Variants in SLC6A18 observed in about 807,000 individuals in gnomAD.
The protein encoded by SLC6A18 is inactive sodium-dependent neutral amino acid transporter B(0)AT3.
SLC6A18 carries 58 observed loss-of-function variants against 62.9 expected under a neutral mutation model. That is an observed-to-expected ratio of 0.92 (90% CI 0.75 to 1.15). The LOEUF (loss-of-function observed/expected upper bound fraction) is 1.15. Ranked by LOEUF, SLC6A18 falls within the 50% of genes most tolerant of loss-of-function variation. The pLI, the probability that SLC6A18 is intolerant of heterozygous loss-of-function variation, is 0.00. For synonymous variants in SLC6A18, 382 were observed against 365.8 expected, an observed-to-expected ratio of 1.04 and a Z score of -0.51; for missense variants, 793 against 836.6, an observed-to-expected ratio of 0.95 and a Z score of 0.64.
intron 8 of SLC6A18, 104 bp downstream of exon 8, chr5:1,242,967 AC>A: frequency 7.6e-7 from 1 of 1,324,006 alleles, no homozygotes; most frequent in Non-Finnish European, 1.0e-6. Flanking sequence ...ATTCCCACAG[AC>A]CCAGGGCCAG....
At chr5:1,240,752 G>A (rs1468793806) in intron 7 of SLC6A18, 93 bp downstream of exon 7, 18 of 1,547,450 alleles carry the variant, frequency 1.2e-5, no homozygotes, top group South Asian at 4.6e-5. Flanking sequence ...GAAGGGTGGC[G>A]TGGGCACATT....
At position 1,241,801 on chromosome 5, in the gene SLC6A18, C is replaced by T. The variant is rs1228234791; in HGVS notation, c.975-906C>T. Among the ~76,000 whole-genome samples the T allele has an allele frequency of 1.3e-5, 2 of 152,178 alleles. No individual in the cohort carries two copies. Among genetic ancestry groups the T allele is most frequent in the East Asian group, 3.9e-4 (2 of 5,194 alleles). On this transcript the variant is annotated intron_variant, in intron 7 of 11. Coordinates refer to ENST00000324642, the MANE Select transcript of SLC6A18 (RefSeq NM_182632.3). The surrounding 1 kb of genome is among the most constrained non-coding windows in gnomAD (Gnocchi z 7.8). ...AATGTCGCAAGTAACTGTAAAAGTGCGCAAATATTGACGGGGTTACAAGCA... is the reference window on the plus strand; with the variant it reads ...AATGTCGCAAGTAACTGTAAAAGTGTGCAAATATTGACGGGGTTACAAGCA...
At chr5:1,233,145 T>C (rs1746779971) in intron 3 of SLC6A18, among the ~76,000 whole-genome samples, 1 of 152,226 alleles carries the variant, frequency 6.6e-6, no homozygotes, top group African/African-American at 2.4e-5. Context: ...TGCAGCCATG[T>C]GCATGGCGTG....
chr5:1,230,939 G>A (rs140729423), intron 1 of SLC6A18, among the ~76,000 whole-genome samples: 1 of 152,286 alleles, frequency 6.6e-6, no homozygotes, highest in Non-Finnish European at 1.5e-5. Flanking sequence ...CAGTGCAGCT[G>A]CCAACTCTGT....
intron 4 of SLC6A18, 127 bp downstream of exon 4, chr5:1,235,789 G>C (rs374542488): frequency 4.5e-6 from 4 of 894,380 alleles, no homozygotes; most frequent in Non-Finnish European, 7.0e-6. Context: ...GGATTGCAAC[G>C]TCTTCTTAGG....
chr5:1,235,373 G>A (rs1255757286), intron 3 of SLC6A18, 108 bp from the exon 4 acceptor site: 1 of 1,113,840 alleles, frequency 9.0e-7, no homozygotes, highest in Non-Finnish European at 1.3e-6. Flanking sequence ...GGGCACCTCA[G>A]CCCAAAAGGG....
chr5:1,245,482 C>T (rs1469072097), intron 11 of SLC6A18, among the ~76,000 whole-genome samples: 1 of 152,188 alleles, frequency 6.6e-6, no homozygotes, highest in East Asian at 1.9e-4. Flanking sequence ...TGAAGAATTT[C>T]CACGGTACCT....
At chr5:1,232,637 G>A (rs1408271414) in intron 2 of SLC6A18, 114 bp from the exon 3 acceptor site, 7 of 1,439,392 alleles carry the variant, frequency 4.9e-6, no homozygotes, top group Non-Finnish European at 6.5e-6. Context: ...GCTTTCAGCT[G>A]CGCCCTTCAG....
At chr5:1,240,789 T>C in intron 7 of SLC6A18, 130 bp downstream of exon 7, 2 of 1,306,342 alleles carry the variant, frequency 1.5e-6, no homozygotes, top group South Asian at 1.4e-5. Flanking sequence ...GTGGAGTGAA[T>C]GGTGTCCCCA....
At chr5:1,239,816 G>C (rs957126499) in intron 6 of SLC6A18, among the ~76,000 whole-genome samples, 4 of 152,242 alleles carry the variant, frequency 2.6e-5, no homozygotes, top group Non-Finnish European at 4.4e-5. Context: ...CACATGACAC[G>C]TGGGGCCATA....
chr5:1,239,130 G>A (rs775758767), intron 5 of SLC6A18, among the ~76,000 whole-genome samples: 4 of 152,234 alleles, frequency 2.6e-5, no homozygotes, highest in Non-Finnish European at 5.9e-5. Context: ...GTTAGAGAGG[G>A]CACAGTAAAC....
At chr5:1,242,945 A>G (rs1195102580) in intron 8 of SLC6A18, 82 bp downstream of exon 8, 3 of 1,446,840 alleles carry the variant, frequency 2.1e-6, no homozygotes, top group Non-Finnish European at 1.9e-6. Context: ...CCACTGCCAA[A>G]GGCTGCAAAC....
intron 4 of SLC6A18, among the ~76,000 whole-genome samples, chr5:1,236,916 T>C (rs1746897772): frequency 6.6e-6 from 1 of 151,970 alleles, no homozygotes; most frequent in Non-Finnish European, 1.5e-5. Context: ...AAATTCCAAA[T>C]AATCCTATTA....
At chr5:1,232,028 AC>A (rs1254663520) in intron 1 of SLC6A18, among the ~76,000 whole-genome samples, 190 bp from the exon 2 acceptor site, 3 of 152,122 alleles carry the variant, frequency 2.0e-5, no homozygotes, top group African/African-American at 7.2e-5. Context: ...GGTCTCAGCA[AC>A]CGAGCCAAAA....
intron 11 of SLC6A18, among the ~76,000 whole-genome samples, 197 bp from the exon 12 acceptor site, chr5:1,245,651 C>G (rs1043083698): frequency 6.6e-6 from 1 of 152,226 alleles, no homozygotes; most frequent in Non-Finnish European, 1.5e-5. Flanking sequence ...GAAGCTCAGC[C>G]CAGGTCCCCA....
Position 1,226,998 on chromosome 5 carries a change from A to ACCGATGCCTTGCCCG in SLC6A18, c.160+1366_160+1380dup, listed in dbSNP as rs1746593618. Reference sequence around the variant, plus strand: ...CGCCTTGCCCACCGATGCCTTGCCCACCGATGCCTTGCCCGCCGACGCGCC... The same window carrying ACCGATGCCTTGCCCG: ...CGCCTTGCCCACCGATGCCTTGCCCACCGATGCCTTGCCCGCCGATGCCTTGCCCGCCGACGCGCC... On this transcript the variant is annotated intron_variant, in intron 1 of 11. Transcript: ENST00000324642. Among the ~76,000 whole-genome samples the ACCGATGCCTTGCCCG allele has an allele frequency of 6.4e-5, 6 of 93,196 alleles. No individual in the cohort carries two copies. The South Asian group carries it at 1.8e-3, about 28-fold the overall frequency. 61.1% of individuals were successfully genotyped at this position (93,196 alleles called of 152,430 possible).
Position 1,241,749 on chromosome 5 carries a change from G to A in SLC6A18, c.975-958G>A, listed in dbSNP as rs901291202. 1.2e-4 allele frequency among the ~76,000 whole-genome samples: 19 copies of A among 152,304 alleles called. No homozygotes were observed. The highest frequency in any genetic ancestry group is 4.6e-4 in the Admixed American group (7 of 15,304). On this transcript the variant is annotated intron_variant, in intron 7 of 11. Transcript: ENST00000324642. The surrounding 1 kb of genome is among the most constrained non-coding windows in gnomAD (Gnocchi z 7.8). ...AGCCCCAGCCGGGGACGTGCATGGC[G>A]GGCAACTCTGATTTCTGCTCACTCT...
Position 1,243,409 on chromosome 5 carries a change from C to A in SLC6A18, c.1132-146C>A. On this transcript the variant is annotated intron_variant, in intron 8 of 11. Transcript: ENST00000324642. This position sits in a 1 kb window ranked among gnomAD's most constrained non-coding sequence, Gnocchi z 6.5. The stretch of plus-strand genomic sequence containing the variant: ...CTCGTCTCCCAGAAGGCATGGCCAG[C>A]CCTGAGCCACCTCAGCCCGACACCA... The A allele has an allele frequency of 1.1e-6, 1 of 886,304 alleles. No homozygotes were observed. Among genetic ancestry groups the A allele is most frequent in the Non-Finnish European group, 1.7e-6 (1 of 575,144 alleles). The allele number at this position is 886,304 out of a possible 1,614,324, so 54.9% of individuals were successfully genotyped here. A position where few individuals can be genotyped will look rare whatever the true frequency, so the allele number is the denominator to read the frequency against.
intron 4 of SLC6A18, among the ~76,000 whole-genome samples, chr5:1,237,039 G>A (rs1409001407): frequency 1.3e-5 from 2 of 151,110 alleles, no homozygotes; most frequent in Non-Finnish European, 2.9e-5. Flanking sequence ...TTCAAGACCA[G>A]CCTCGCCAAC....
Sources: allele counts gnomAD v4.1 joint callset (sites outside exome capture counted in the v4.1 genomes callset), GRCh38; gene constraint gnomAD v4.1.1; non-coding constraint Gnocchi (gnomAD v3.1); transcripts MANE v1.5; gene names NCBI Gene and HGNC (gene_info 2026-07-23, HGNC 2026-07-21).